Variants in TPTE2 observed in about 807,000 individuals in gnomAD.
TPTE2 encodes phosphatidylinositol 3,4,5-trisphosphate 3-phosphatase TPTE2.
Under a neutral mutation model 78.6 loss-of-function variants are expected in TPTE2, and 53 were observed. The ratio of observed to expected loss-of-function variants is 0.67; its 90% CI spans 0.54 to 0.85. The LOEUF is 0.85. Among genes scored for constraint, TPTE2 ranks in the 40% least tolerant of loss-of-function variants. The pLI is 0.00. For missense variants in TPTE2, 461 were observed against 623.0 expected (o/e 0.74, Z 2.77); for synonymous variants, 175 against 206.2 (o/e 0.85, Z 1.30).
At chr13:19,454,316 T>C (rs1452508937) in intron 10 of TPTE2, among the ~76,000 whole-genome samples, 4 of 152,198 alleles carry the variant, frequency 2.6e-5, no homozygotes, top group Non-Finnish European at 5.9e-5. Context: ...AGGAGTTAAG[T>C]ATGCCTGGAT....
rs539676933 is a variant in TPTE2, at chr13:19,488,389, T to G, written c.119+4461A>C. On this transcript the variant is annotated intron_variant, in intron 3 of 19. Transcript: ENST00000400230. ...TGCGTTGACTTCTCCTCTCTAAATA[T>G]AAAAGTCCTAGATGGCATCTTCTTC... 2.0e-5 allele frequency among the ~76,000 whole-genome samples: 3 copies of G among 152,358 alleles called. No homozygotes were observed. The South Asian group carries it at 6.2e-4, about 32-fold the overall frequency.
chr13:19,453,538 CATATATAT>C (rs56140648), intron 10 of TPTE2, among the ~76,000 whole-genome samples: 1,847 of 140,064 alleles, frequency 0.013, 55 homozygotes, highest in African/African-American at 0.044. Context: ...ATTTTATAAT[CATATATAT>C]ATATATATAT....
the TPTE2 span, among the ~76,000 whole-genome samples, chr13:19,561,562 T>A: frequency 0.13 from 19,337 of 152,182 alleles, 1,366 homozygotes; most frequent in Middle Eastern, 0.23. Flanking sequence ...GCCGTTGCGA[T>A]GACCTTTGAC....
chr13:19,561,423 C>G, the TPTE2 span, among the ~76,000 whole-genome samples: 4 of 152,106 alleles, frequency 2.6e-5, no homozygotes, highest in Non-Finnish European at 4.4e-5. Context: ...CGCCCCCCAA[C>G]CTAAGCACAC....
At chr13:19,431,613 GAT>G (rs1876610303) in intron 16 of TPTE2, among the ~76,000 whole-genome samples, 1 of 149,864 alleles carries the variant, frequency 6.7e-6, no homozygotes, top group Non-Finnish European at 1.5e-5. Flanking sequence ...CTAACACCAT[GAT>G]ATTCATTTGT....
intron 14 of TPTE2, 58 bp from the exon 18 acceptor site, chr13:19,436,364 T>A (rs1877089929): frequency 8.8e-6 from 13 of 1,470,082 alleles, no homozygotes; most frequent in Non-Finnish European, 1.1e-5. Flanking sequence ...TTTCCTATAT[T>A]AGGTACCCTT....
intron 11 of TPTE2, among the ~76,000 whole-genome samples, 183 bp downstream of exon 14, chr13:19,450,982 C>T (rs573189383): frequency 3.9e-5 from 6 of 152,296 alleles, no homozygotes; most frequent in South Asian, 4.1e-4. Flanking sequence ...CATACGGTAC[C>T]TTGTGCTGCT....
At chr13:19,500,518 T>G (rs1401599313) in intron 1 of TPTE2, among the ~76,000 whole-genome samples, 1 of 151,748 alleles carries the variant, frequency 6.6e-6, no homozygotes, top group African/African-American at 2.4e-5. Flanking sequence ...ATAAATGTCA[T>G]CCAGCATATA....
the TPTE2 span, among the ~76,000 whole-genome samples, chr13:19,557,728 G>C: frequency 2.0e-5 from 3 of 152,128 alleles, no homozygotes; most frequent in Non-Finnish European, 2.9e-5. Flanking sequence ...TGACAGGATG[G>C]AATATTAAAA....
chr13:19,529,131 ATAAT>A (rs1870708759), intron 1 of TPTE2, among the ~76,000 whole-genome samples: 1 of 152,228 alleles, frequency 6.6e-6, no homozygotes, highest in South Asian at 2.1e-4. Context: ...AAATAAATAA[ATAAT>A]TAATTAATTA....
rs776881437 is a variant in TPTE2 at position 19,475,666 on chromosome 13, A to C, written c.180-43T>G. 2.5e-6 allele frequency: 4 copies of C among 1,585,942 alleles called. No homozygotes were observed. The Admixed American group carries it at 7.0e-5, about 28-fold the overall frequency. ...AATAAAATTAACCAGATTTCTTCTT[A>C]TATTGTAAATTTAACCAAAAAACAA... On this transcript the variant is annotated intron_variant, in intron 4 of 19. Transcript: ENST00000400230.
chr13:19,435,218 A>G lies in TPTE2; in HGVS notation c.1116+1008T>C, dbSNP rs539321803. Among the ~76,000 whole-genome samples, 48 of 152,354 alleles carry G rather than the reference A, an allele frequency of 3.2e-4. 1 individual carries two copies. Among genetic ancestry groups the G allele is most frequent in the Admixed American group, 9.1e-4 (14 of 15,306 alleles). ...AACAAACTAAATTTTCAAAGATTTT[A>G]AGACAATTTTGGAAACAAACATGGA... On this transcript the variant is annotated intron_variant, in intron 15 of 19. Transcript: ENST00000400230.
upstream of TPTE2, among the ~76,000 whole-genome samples, chr13:19,506,527 C>T (rs1869062816): frequency 6.6e-6 from 1 of 152,064 alleles, no homozygotes; most frequent in Non-Finnish European, 1.5e-5. Context: ...AGGTTACTAC[C>T]ATCAACTCAA....
chr13:19,517,771 G>A (rs1390203125), intron 1 of TPTE2, among the ~76,000 whole-genome samples: 3 of 152,228 alleles, frequency 2.0e-5, no homozygotes, highest in East Asian at 1.9e-4. Flanking sequence ...GGAATAGAAC[G>A]AGCTTGGCCC....
intron 16 of TPTE2, among the ~76,000 whole-genome samples, chr13:19,430,919 G>T (rs1369713429): frequency 2.6e-5 from 4 of 152,102 alleles, no homozygotes; most frequent in Non-Finnish European, 5.9e-5. Flanking sequence ...TTGAGGTCAG[G>T]AGTTCTAAAC....
intron 6 of TPTE2, among the ~76,000 whole-genome samples, chr13:19,470,741 G>T (rs1408184224): frequency 6.6e-6 from 1 of 151,322 alleles, no homozygotes; most frequent in Non-Finnish European, 1.5e-5. Flanking sequence ...GGCCAGGCTG[G>T]TCTTGAACTC....
chr13:19,531,948 G>C (rs542121645), intron 1 of TPTE2, among the ~76,000 whole-genome samples: 3 of 152,096 alleles, frequency 2.0e-5, no homozygotes, highest in Admixed American at 6.6e-5. Context: ...AAAAAGTAGA[G>C]GATGGGGCAA....
chr13:19,465,455 G>T lies in TPTE2; in HGVS notation c.612+10C>A, dbSNP rs761518567. 1.9e-6 allele frequency: 3 copies of T among 1,608,692 alleles called. No individual in the cohort carries two copies. The Admixed American group carries it at 5.1e-5, about 27-fold the overall frequency. On this transcript the variant is annotated intron_variant, in intron 8 of 19. Coordinates refer to ENST00000400230, the Ensembl canonical transcript of TPTE2. ...TTTTTCTGAATCATAAGCATGTTTTGCCCACTTACCAGCCTTCTCATCAGC... is the reference window on the plus strand; with the variant it reads ...TTTTTCTGAATCATAAGCATGTTTTTCCCACTTACCAGCCTTCTCATCAGC...
chr13:19,507,221 T>C (rs9551595), upstream of TPTE2, among the ~76,000 whole-genome samples: 20,314 of 145,264 alleles, frequency 0.14, 1,513 homozygotes, highest in African/African-American at 0.19. Context: ...AAATTGTACA[T>C]AATCAAATAC....
Sources: gnomAD v4.1 joint callset for allele counts (sites outside exome capture counted in the v4.1 genomes callset) on GRCh38, gnomAD v4.1.1 for gene constraint, MANE v1.5 for transcripts, NCBI Gene and HGNC (gene_info 2026-07-23, HGNC 2026-07-21) for gene names.